The following OCRL variants were observed in gnomAD, a reference collection of about 807,000 sequenced individuals.
OCRL encodes OCRL inositol polyphosphate-5-phosphatase.
Under a neutral mutation model 78.9 loss-of-function variants are expected in OCRL, and 8 were observed. The ratio of observed to expected loss-of-function variants is 0.10; its 90% CI spans 0.06 to 0.18. OCRL has a LOEUF of 0.18. Among genes scored for constraint, OCRL ranks in the 10% least tolerant of loss-of-function variants. OCRL has a pLI of 1.00. For synonymous variants in OCRL, 240 were observed against 235.4 expected, an observed-to-expected ratio of 1.02 and a Z score of -0.18; for missense variants, 454 against 696.7, an observed-to-expected ratio of 0.65 and a Z score of 3.92.
rs747396791 is a variant in OCRL, at chrX:129,558,664, T to A, written c.471T>A (p.Ser157=). ...GLLGFEDNFS[S]MNLDKKINSQ... ...TTGGATTTGAAGACAATTTTTCTTC[T>A]ATGAATTTGGACAAGAAAATAAATT... The change falls in exon 7 of 24, where the codon TCT becomes TCA. Residue 157 remains serine, a synonymous_variant. Coordinates refer to ENST00000371113, the MANE Select transcript of OCRL (RefSeq NM_000276.4). 7.4e-6 allele frequency: 9 copies of A among 1,210,592 alleles called. No homozygotes were observed. In the Admixed American group the frequency reaches 1.3e-4, roughly 18 times the overall value.
chrX:129,568,130 A>C (rs1936246698), intron 14 of OCRL, among the ~76,000 whole-genome samples: 1 of 108,707 alleles, frequency 9.2e-6, no homozygotes. Context: ...GTTAGCCAGG[A>C]TGGTCTCGAT....
At chrX:129,541,248 T>A (rs774523661) in intron 2 of OCRL, among the ~76,000 whole-genome samples, 101 of 112,346 alleles carry the variant, frequency 9.0e-4, no homozygotes, top group Non-Finnish European at 1.7e-3. Context: ...GTAAAAGTGC[T>A]ATGGAAATGC....
intron 22 of OCRL, 91 bp downstream of exon 22, chrX:129,589,104 C>G (rs1936554853): frequency 9.9e-7 from 1 of 1,014,666 alleles, no homozygotes; most frequent in East Asian, 3.0e-5. Context: ...AGCCAGCTGT[C>G]TGGTAGGATG....
intron 3 of OCRL, among the ~76,000 whole-genome samples, chrX:129,547,362 A>G (rs866513409): frequency 8.2e-5 from 9 of 109,205 alleles, no homozygotes; most frequent in Non-Finnish European, 1.1e-4. Flanking sequence ...CGTCTCTACT[A>G]AAAATACAAA....
At chrX:129,583,124 T>TA (rs2124424991) in intron 18 of OCRL, among the ~76,000 whole-genome samples, 1 of 111,709 alleles carries the variant, frequency 9.0e-6, no homozygotes, top group East Asian at 2.8e-4. Flanking sequence ...ATCCCTATTT[T>TA]AGAGATGAAG....
In OCRL at chrX:129,562,658, C is replaced by T; in HGVS notation, c.1116C>T (p.Val372=). 1 of 1,211,015 alleles carries T rather than the reference C, an allele frequency of 8.3e-7. No homozygotes were observed. Among genetic ancestry groups the T allele is most frequent in the Middle Eastern group, 2.3e-4 (1 of 4,355 alleles). ...TTCACAACACCACCTTTTGCATTGT[C>T]AATTCCCATCTGGCTGCACACGTGG... ...FVFHNTTFCI[V]NSHLAAHVED... Residue 372 remains valine (V), a synonymous_variant, in exon 12 of 24, where the codon GTC becomes GTT. Transcript: ENST00000371113.
chrX:129,588,908 T>C lies in OCRL; in HGVS notation c.2364T>C (p.Ala788=). The change falls in exon 22 of 24, where the codon GCT becomes GCC. Residue 788 remains alanine, a synonymous_variant. Coordinates refer to ENST00000371113, the MANE Select transcript of OCRL (RefSeq NM_000276.4). The part of the protein sequence containing the change: ...ETIPGSNHSV[A]EALLIFLEAL... ...CAGCTGGCAGCAACCACTCTGTGGCTGAAGCACTGCTCATTTTCTTGGAAG... is the reference window on the plus strand; with the variant it reads ...CAGCTGGCAGCAACCACTCTGTGGCCGAAGCACTGCTCATTTTCTTGGAAG... 8.3e-7 allele frequency: 1 copy of C among 1,211,741 alleles called. No homozygotes were observed. Among genetic ancestry groups the C allele is most frequent in the Non-Finnish European group, 1.1e-6 (1 of 895,424 alleles).
chrX:129,542,130 A>T (rs1013308909), intron 2 of OCRL, among the ~76,000 whole-genome samples: 2 of 111,786 alleles, frequency 1.8e-5, no homozygotes, highest in African/African-American at 6.5e-5. Context: ...TAATGTAAAA[A>T]CAAAATCATG....
intron 6 of OCRL, among the ~76,000 whole-genome samples, chrX:129,558,355 T>C (rs1936092342): frequency 8.9e-6 from 1 of 112,350 alleles, no homozygotes; most frequent in Non-Finnish European, 1.9e-5. Context: ...TATAGTCCCT[T>C]ACTCTCAACC....
chrX:129,545,720 T>C (rs1935869600), intron 3 of OCRL, among the ~76,000 whole-genome samples: 1 of 112,251 alleles, frequency 8.9e-6, no homozygotes, highest in East Asian at 2.8e-4. Context: ...CTGTTTTCAC[T>C]AGGACCAGTG....
chrX:129,547,012 G>A (rs5977106), intron 3 of OCRL, among the ~76,000 whole-genome samples: 10,372 of 109,661 alleles, frequency 0.095, 1,050 homozygotes, highest in East Asian at 0.68. Flanking sequence ...TGAGCCCAGG[G>A]GTTCAAGACC....
At position 129,558,823 on chromosome X, in the gene OCRL, T is replaced by C. The variant is rs1225186903; in HGVS notation, c.561-17T>C. The C allele has an allele frequency of 2.5e-6, 3 of 1,211,900 alleles. No individual in the cohort carries two copies. Among genetic ancestry groups the C allele is most frequent in the Non-Finnish European group, 2.2e-6 (2 of 895,392 alleles). ...GTTTAAACAATTTTACTTTTGAATC[T>C]CTCATTTATTTGCTAGGCTTCCACG... On this transcript the variant is annotated splice_polypyrimidine_tract_variant and intron_variant, in intron 7 of 23. Transcript: ENST00000371113.
chrX:129,560,944 A>G (rs757566683), intron 9 of OCRL, among the ~76,000 whole-genome samples: 2 of 112,693 alleles, frequency 1.8e-5, no homozygotes, highest in Non-Finnish European at 3.8e-5. Flanking sequence ...CTCTGCTGTT[A>G]TCCTCTGTGG....
intron 6 of OCRL, 118 bp downstream of exon 6, chrX:129,558,068 T>G (rs990700307): frequency 5.4e-6 from 3 of 553,316 alleles, no homozygotes; most frequent in Non-Finnish European, 9.8e-6. Flanking sequence ...TCCTGCAGAG[T>G]AGTTTTATCA....
rs1936594861 is a variant in OCRL at position 129,591,986 on chromosome X, CTTGTT to C, written c.*1719_*1723del. The C allele has an allele frequency of 8.8e-6, 1 of 113,958 alleles. No homozygotes were observed. Among genetic ancestry groups the C allele is most frequent in the Non-Finnish European group, 1.9e-5 (1 of 53,330 alleles). The allele number at this position is 113,958 out of a possible 1,213,427, so 9.4% of individuals were successfully genotyped here. A position where few individuals can be genotyped will look rare whatever the true frequency, so the allele number is the denominator to read the frequency against. On this transcript the variant is annotated 3_prime_UTR_variant, in exon 24 of 24. Transcript: ENST00000371113. ...ACCACAGGGAAATACCTTTCCTGGG[CTTGTT>C]TTCTAGCATATCACTGACCTGGGAT...
At chrX:129,557,269 C>A in intron 4 of OCRL, 56 bp from the exon 5 acceptor site, 1 of 993,216 alleles carries the variant, frequency 1.0e-6, no homozygotes, top group Non-Finnish European at 1.4e-6. Context: ...AGAATATGAT[C>A]CCAGTAAAAC....
At chrX:129,588,352 T>G (rs1936542941) in intron 21 of OCRL, 89 bp downstream of exon 21, 4 of 638,458 alleles carry the variant, frequency 6.3e-6, no homozygotes, top group Non-Finnish European at 1.0e-5. Context: ...TGGTTCTATA[T>G]TTATTTTCTT....
chrX:129,552,486 G>A (rs769158759), intron 4 of OCRL, among the ~76,000 whole-genome samples: 4 of 111,731 alleles, frequency 3.6e-5, no homozygotes, highest in East Asian at 5.6e-4. Context: ...GGGCAGTGGC[G>A]CGATCTCAGC....
In OCRL at chrX:129,576,236, C is replaced by T. The variant is rs113165732; in HGVS notation, c.1880-81C>T. Reference sequence around the variant, plus strand: ...TGCTTAATGATTTTTTTAGAGGACACTTTTCTGTTGGTTCTTATACTCTTT... The same window carrying T: ...TGCTTAATGATTTTTTTAGAGGACATTTTTCTGTTGGTTCTTATACTCTTT... On this transcript the variant is annotated intron_variant, in intron 17 of 23. Coordinates refer to ENST00000371113, the MANE Select transcript of OCRL (RefSeq NM_000276.4). The T allele has an allele frequency of 0.017, 16,558 of 1,002,218 alleles. 226 individuals carry two copies. Among genetic ancestry groups the T allele is most frequent in the African/African-American group, 0.077 (4,071 of 52,576 alleles). 82.6% of individuals were successfully genotyped at this position (1,002,218 alleles called of 1,213,427 possible). A position where few individuals can be genotyped will look rare whatever the true frequency, so the allele number is the denominator to read the frequency against.
Sources: gnomAD v4.1 joint callset for allele counts (sites outside exome capture counted in the v4.1 genomes callset) on GRCh38, gnomAD v4.1.1 for gene constraint, MANE v1.5 for transcripts, NCBI Gene and HGNC (gene_info 2026-07-23, HGNC 2026-07-21) for gene names.